FRMD4B: variants seen among roughly 807,000 people sequenced by gnomAD.
FRMD4B encodes the protein FERM domain-containing protein 4B.
Under a neutral mutation model 141.5 loss-of-function variants are expected in FRMD4B, and 74 were observed. That is an observed-to-expected ratio of 0.52 (90% CI 0.43 to 0.63). FRMD4B has a LOEUF of 0.63. Ranked by LOEUF, FRMD4B falls within the 30% of genes least tolerant of loss-of-function variation. The pLI is 0.00. For missense variants in FRMD4B, 1,366 were observed against 1,253.4 expected, an observed-to-expected ratio of 1.09 and a Z score of -1.36; for synonymous variants, 506 against 467.9, an observed-to-expected ratio of 1.08 and a Z score of -1.05.
chr3:69,513,315 A>AATTCCTAGAAACACACAACCT (rs1334386882), intron 1 of FRMD4B, among the ~76,000 whole-genome samples: 2 of 152,202 alleles, frequency 1.3e-5, no homozygotes, highest in Non-Finnish European at 2.9e-5. Context: ...GAAACATAAG[A>AATTCCTAGAAACACACAACCT]ATTCCTAGAA....
chr3:69,200,874 G>T (rs975047330), intron 11 of FRMD4B: 2 of 459,600 alleles, frequency 4.4e-6, no homozygotes, highest in African/African-American at 2.0e-5. Context: ...TTTCCTTTGC[G>T]TCCATTCCCA....
intron 11 of FRMD4B, among the ~76,000 whole-genome samples, chr3:69,212,045 G>A (rs1471702968): frequency 6.6e-6 from 1 of 150,580 alleles, no homozygotes; most frequent in African/African-American, 2.4e-5. Context: ...AAAAAAAAAC[G>A]GAGAAAGAGA....
At chr3:69,438,960 T>C (rs1263851623) in intron 1 of FRMD4B, among the ~76,000 whole-genome samples, 1 of 152,222 alleles carries the variant, frequency 6.6e-6, no homozygotes, top group Non-Finnish European at 1.5e-5. Context: ...ACACAGAATT[T>C]ATCTTCTATG....
intron 1 of FRMD4B, among the ~76,000 whole-genome samples, chr3:69,474,135 A>G (rs1160615422): frequency 1.3e-5 from 2 of 152,224 alleles, no homozygotes; most frequent in Non-Finnish European, 2.9e-5. Context: ...CTATTTTCTC[A>G]TCTTCAGCCT....
Position 69,496,637 on chromosome 3 carries a change from A to AAGAGAG in FRMD4B, c.-129+45563_-129+45568dup, listed in dbSNP as rs1169584495. Among the ~76,000 whole-genome samples, 354 of 56,484 alleles carry AAGAGAG rather than the reference A, an allele frequency of 6.3e-3. 8 individuals carry two copies. Among genetic ancestry groups the AAGAGAG allele is most frequent in the African/African-American group, 0.013 (159 of 12,344 alleles). The allele number at this position is 56,484 out of a possible 152,430, so 37.1% of individuals were successfully genotyped here. A position where few individuals can be genotyped will look rare whatever the true frequency, so the allele number is the denominator to read the frequency against. On this transcript the variant is annotated intron_variant, in intron 1 of 5. Coordinates refer to the FRMD4B transcript ENST00000459638. ...TGAGAGAGAGAGAGAGAGAGAGAGA[A>AAGAGAG]AGAGAGAGAGAGAGAGAGAGAGAGA...
intron 4 of FRMD4B, among the ~76,000 whole-genome samples, chr3:69,299,565 A>G (rs1224296725): frequency 6.6e-6 from 1 of 152,164 alleles, no homozygotes; most frequent in Non-Finnish European, 1.5e-5. Context: ...AAATGTCCCA[A>G]GATGATTCAG....
chr3:69,200,056 T>A (rs2107667118), intron 11 of FRMD4B, among the ~76,000 whole-genome samples: 1 of 152,346 alleles, frequency 6.6e-6, no homozygotes, highest in South Asian at 2.1e-4. Flanking sequence ...CTTAAAAGAT[T>A]ATTTTTAATA....
chr3:69,187,030 T>C lies in FRMD4B; in HGVS notation c.1919+740A>G, dbSNP rs2092775558. On this transcript the variant is annotated intron_variant, in intron 19 of 22. Transcript: ENST00000398540. Reference sequence around the variant, plus strand: ...CTTGGATTATCTATTTTACAGATTATGAGTTTAAGTCCCATGTTTATTTGC... The same window carrying C: ...CTTGGATTATCTATTTTACAGATTACGAGTTTAAGTCCCATGTTTATTTGC... Among the ~76,000 whole-genome samples the C allele has an allele frequency of 2.6e-5, 4 of 152,182 alleles. No homozygotes were observed. The South Asian group carries it at 6.2e-4, about 24-fold the overall frequency.
At chr3:69,360,225 C>T (rs1381665579) in intron 1 of FRMD4B, among the ~76,000 whole-genome samples, 1 of 152,140 alleles carries the variant, frequency 6.6e-6, no homozygotes, top group African/African-American at 2.4e-5. Context: ...CACCTAGTTT[C>T]AAGTTATCAA....
At chr3:69,205,697 G>A (rs2107686920) in intron 11 of FRMD4B, among the ~76,000 whole-genome samples, 1 of 152,256 alleles carries the variant, frequency 6.6e-6, no homozygotes, top group Admixed American at 6.5e-5. Flanking sequence ...ATCTTACAGT[G>A]CACAGAATAT....
chr3:69,416,091 G>A (rs1229040420), intron 2 of FRMD4B, among the ~76,000 whole-genome samples: 3 of 152,218 alleles, frequency 2.0e-5, no homozygotes, highest in South Asian at 4.1e-4. Flanking sequence ...ATACCAAGTA[G>A]CTCAAAGCTA....
At chr3:69,236,227 G>GTTTTTTTT (rs1559741226) in intron 7 of FRMD4B, among the ~76,000 whole-genome samples, 1 of 149,508 alleles carries the variant, frequency 6.7e-6, no homozygotes. Flanking sequence ...TTATTGTTTT[G>GTTTTTTTT]GTTTTTTTTT....
At position 69,477,633 on chromosome 3, in the gene FRMD4B, A is replaced by G. The variant is rs1021248302; in HGVS notation, c.-128-44872T>C. 3.3e-5 allele frequency among the ~76,000 whole-genome samples: 5 copies of G among 152,138 alleles called. No individual in the cohort carries two copies. The East Asian group carries it at 5.8e-4, about 18-fold the overall frequency. On this transcript the variant is annotated intron_variant, in intron 1 of 5. Transcript: ENST00000459638. ...GTATTTTATTGAGGATTTTTGCATCAATGTTCATCAAGGATATTGGTCTAA... is the reference window on the plus strand; with the variant it reads ...GTATTTTATTGAGGATTTTTGCATCGATGTTCATCAAGGATATTGGTCTAA...
At chr3:69,518,492 A>G (rs1700800418) in intron 1 of FRMD4B, among the ~76,000 whole-genome samples, 1 of 152,220 alleles carries the variant, frequency 6.6e-6, no homozygotes, top group Admixed American at 6.5e-5. Context: ...AAATGTTAGA[A>G]TAGAGAAAAG....
At chr3:69,228,399 A>G (rs779344780) in intron 7 of FRMD4B, 1 of 457,052 alleles carries the variant, frequency 2.2e-6, no homozygotes, top group South Asian at 1.5e-5. Context: ...GAGCTGAGAA[A>G]TGTAAGTCAA....
intron 4 of FRMD4B, among the ~76,000 whole-genome samples, chr3:69,296,494 G>T (rs1340746512): frequency 1.3e-5 from 2 of 152,186 alleles, no homozygotes; most frequent in Non-Finnish European, 2.9e-5. Context: ...GTTCAGAATA[G>T]GCTGGGCCAG....
intron 5 of FRMD4B, among the ~76,000 whole-genome samples, chr3:69,257,092 C>A (rs1171480709): frequency 6.6e-6 from 1 of 152,198 alleles, no homozygotes; most frequent in East Asian, 1.9e-4. Flanking sequence ...GTAGACACCA[C>A]CAGATGTCCT....
chr3:69,176,195 A>T (rs2092643992), intron 22 of FRMD4B, among the ~76,000 whole-genome samples: 1 of 152,008 alleles, frequency 6.6e-6, no homozygotes, highest in African/African-American at 2.4e-5. Flanking sequence ...ACCAGGGTCA[A>T]ATCTGAATGA....
chr3:69,181,813 C>A, intron 20 of FRMD4B, 103 bp from the exon 21 acceptor site: 1 of 693,218 alleles, frequency 1.4e-6, no homozygotes, highest in Non-Finnish European at 2.4e-6. Context: ...TCGTGAATTA[C>A]AATAGGACTT....
Sources: gnomAD v4.1 joint callset for allele counts (sites outside exome capture counted in the v4.1 genomes callset) on GRCh38, gnomAD v4.1.1 for gene constraint, MANE v1.5 for transcripts, NCBI Gene and HGNC (gene_info 2026-07-23, HGNC 2026-07-21) for gene names.